The following WFDC11 variants were observed in gnomAD, a reference collection of about 807,000 sequenced individuals.
WFDC11 encodes the protein WAP four-disulfide core domain 11.
A neutral mutation model predicts 9.9 loss-of-function variants in WFDC11; 9 were observed. The observed-to-expected ratio is 0.91, with a 90% confidence interval of 0.55 to 1.58. The LOEUF is 1.58. WFDC11 is among the 40% of genes most tolerant of loss of function. WFDC11 has a pLI of 0.00. For missense variants in WFDC11, 106 were observed against 101.7 expected (o/e 1.04, Z -0.18); for synonymous variants, 32 against 33.3 (o/e 0.96, Z 0.13).
At chr20:45,656,853 C>T (rs1321727985) in intron 2 of WFDC11, among the ~76,000 whole-genome samples, 1 of 152,206 alleles carries the variant, frequency 6.6e-6, no homozygotes, top group African/African-American at 2.4e-5. Flanking sequence ...CACTGGCCAT[C>T]AGAGAAATGC....
chr20:45,667,682 A>G (rs1420159753), intron 1 of WFDC11, among the ~76,000 whole-genome samples: 1 of 152,152 alleles, frequency 6.6e-6, no homozygotes, highest in African/African-American at 2.4e-5. Flanking sequence ...CTCAAATCCT[A>G]CATCCCACTT....
chr20:45,658,178 A>G (rs1982976854), intron 2 of WFDC11, among the ~76,000 whole-genome samples: 1 of 152,098 alleles, frequency 6.6e-6, no homozygotes, highest in African/African-American at 2.4e-5. Context: ...ATCACCTCCA[A>G]TAGTTTCCAC....
At chr20:45,655,158 A>G (rs117255689) in intron 2 of WFDC11, among the ~76,000 whole-genome samples, 3,003 of 152,334 alleles carry the variant, frequency 0.02, 88 homozygotes, top group African/African-American at 0.064. Flanking sequence ...AATATCCCTG[A>G]TGAACATTGG....
At chr20:45,668,439 C>A (rs1297532662) in intron 1 of WFDC11, among the ~76,000 whole-genome samples, 1 of 151,896 alleles carries the variant, frequency 6.6e-6, no homozygotes, top group Non-Finnish European at 1.5e-5. Context: ...TTGTCCTATT[C>A]CTGGGACCCC....
chr20:45,662,967 A>T (rs1448894383), intron 2 of WFDC11, among the ~76,000 whole-genome samples: 1 of 152,058 alleles, frequency 6.6e-6, no homozygotes, highest in Non-Finnish European at 1.5e-5. Context: ...CTCTTTTTCT[A>T]TTGATTGGAA....
chr20:45,650,789 C>T (rs778818888), intron 2 of WFDC11, 138 bp from the exon 3 acceptor site: 3 of 499,800 alleles, frequency 6.0e-6, no homozygotes, highest in African/African-American at 3.9e-5. Flanking sequence ...CTAAGCTGAG[C>T]GTTGGCTTTG....
intron 1 of WFDC11, among the ~76,000 whole-genome samples, chr20:45,668,897 T>TTTA (rs1489802802): frequency 2.0e-5 from 3 of 152,214 alleles, no homozygotes; most frequent in Non-Finnish European, 4.4e-5. Context: ...TGAGTATTTA[T>TTTA]TTATTTATTC....
chr20:45,650,449 A>G, intron 3 of WFDC11, 52 bp downstream of exon 3: 8 of 1,471,844 alleles, frequency 5.4e-6, no homozygotes, highest in Non-Finnish European at 7.6e-6. Flanking sequence ...TCCCTTGTTC[A>G]GAAACAAGCT....
chr20:45,660,854 G>A (rs1255742780), intron 2 of WFDC11, among the ~76,000 whole-genome samples: 1 of 152,168 alleles, frequency 6.6e-6, no homozygotes, highest in African/African-American at 2.4e-5. Context: ...CTTTGCTATT[G>A]TGAATAGTGC....
intron 2 of WFDC11, among the ~76,000 whole-genome samples, chr20:45,657,351 C>G (rs1047101847): frequency 1.4e-5 from 2 of 147,102 alleles, no homozygotes; most frequent in Non-Finnish European, 3.0e-5. Context: ...CCAAACACTG[C>G]GTGTTCTCAC....
At chr20:45,654,659 G>T (rs2145617476) in intron 2 of WFDC11, among the ~76,000 whole-genome samples, 1 of 152,200 alleles carries the variant, frequency 6.6e-6, no homozygotes, top group African/African-American at 2.4e-5. Flanking sequence ...TTTTTGAAAA[G>T]ATCAACAAAA....
At chr20:45,666,032 GGT>G (rs1313881239) in intron 2 of WFDC11, among the ~76,000 whole-genome samples, 2 of 152,200 alleles carry the variant, frequency 1.3e-5, no homozygotes, top group Non-Finnish European at 2.9e-5. Context: ...CCACAGTGGT[GGT>G]GACTATAGAG....
chr20:45,660,214 T>C (rs1318014540), intron 2 of WFDC11, among the ~76,000 whole-genome samples: 1 of 152,172 alleles, frequency 6.6e-6, no homozygotes, highest in Non-Finnish European at 1.5e-5. Context: ...ATAGGTTGTG[T>C]CACTATTGTT....
chr20:45,650,243 T>C (rs1176230618), intron 3 of WFDC11, among the ~76,000 whole-genome samples: 1 of 151,550 alleles, frequency 6.6e-6, no homozygotes, highest in Non-Finnish European at 1.5e-5. Flanking sequence ...TGTTTGTATA[T>C]ATATAGAGAG....
chr20:45,669,092 G>A (rs1373452421), intron 1 of WFDC11, among the ~76,000 whole-genome samples: 1 of 152,124 alleles, frequency 6.6e-6, no homozygotes, highest in Non-Finnish European at 1.5e-5. Context: ...TAGGTCGGAG[G>A]AGCCAGCAGG....
intron 2 of WFDC11, among the ~76,000 whole-genome samples, chr20:45,657,610 C>G (rs1982965026): frequency 6.6e-6 from 1 of 151,710 alleles, no homozygotes; most frequent in Non-Finnish European, 1.5e-5. Context: ...TTTAGGTTGT[C>G]TGCAGTGGTT....
rs1170929274 is a variant in WFDC11 at position 45,649,338 on chromosome 20, C to T, written c.162G>A (p.Lys54=). 6.2e-7 allele frequency: 1 copy of T among 1,614,160 alleles called. No homozygotes were observed. Among genetic ancestry groups the T allele is most frequent in the African/African-American group, 1.3e-5 (1 of 75,050 alleles). ...GKPNVKECTN[K]CSKAFRCKDK... ...CTTTACATCTAAAGGCTTTAGAACA[C>T]TTATTGGTACATTCTTTGACATTTG... The change falls in exon 4 of 5, where the codon AAG becomes AAA. Residue 54 remains lysine (K), a synonymous_variant. Transcript: ENST00000324384.
chr20:45,669,494 G>T (rs1983253324), intron 1 of WFDC11, among the ~76,000 whole-genome samples: 1 of 152,132 alleles, frequency 6.6e-6, no homozygotes, highest in African/African-American at 2.4e-5. Flanking sequence ...ATAGTTTATT[G>T]ATAGACATCA....
intron 1 of WFDC11, 110 bp downstream of exon 1, chr20:45,670,068 A>G (rs1267009842): frequency 6.6e-6 from 1 of 152,158 alleles, no homozygotes; most frequent in Non-Finnish European, 1.5e-5. Flanking sequence ...AACCTACACA[A>G]AATTGATAAC....
Sources: allele counts gnomAD v4.1 joint callset (sites outside exome capture counted in the v4.1 genomes callset), GRCh38; gene constraint gnomAD v4.1.1; transcripts MANE v1.5; gene names NCBI Gene and HGNC (gene_info 2026-07-23, HGNC 2026-07-21).